The following DQX1 variants were observed in gnomAD, a reference collection of about 807,000 sequenced individuals.
The protein encoded by DQX1 is ATP-dependent RNA helicase homolog DQX1.
Under a neutral mutation model 81.3 loss-of-function variants are expected in DQX1, and 66 were observed. The observed-to-expected ratio is 0.81, with a 90% CI of 0.67 to 1.00. The LOEUF is 1.00. Ranked by LOEUF, DQX1 falls within the 50% of genes least tolerant of loss-of-function variation. The pLI is 0.00. For missense variants in DQX1, 798 were observed against 867.9 expected, an observed-to-expected ratio of 0.92 and a Z score of 1.01; for synonymous variants, 290 against 350.0, an observed-to-expected ratio of 0.83 and a Z score of 1.91.
chr2:74,525,185 T>G lies in DQX1; in HGVS notation c.255A>C (p.Ala85=). Residue 85 remains alanine (A), a synonymous_variant, in exon 3 of 12, where the codon GCA becomes GCC. Transcript: ENST00000404568. This position sits in a 1 kb window ranked among gnomAD's most constrained non-coding sequence, Gnocchi z 4.1. Reference sequence around the variant, plus strand: ...GGAACCCTCTGGCCAGCGCAAACTCTGCACACCACTGAGGGATCTGGGATA... The same window carrying G: ...GGAACCCTCTGGCCAGCGCAAACTCGGCACACCACTGAGGGATCTGGGATA... The part of the protein sequence containing the change: ...GKSTQIPQWC[A]EFALARGFQK... 6.3e-7 allele frequency: 1 copy of G among 1,584,182 alleles called. No homozygotes were observed.
chr2:74,524,961 A>C (rs762876361), intron 3 of DQX1, 48 bp downstream of exon 3: 3 of 1,562,622 alleles, frequency 1.9e-6, no homozygotes, highest in Non-Finnish European at 2.6e-6. Flanking sequence ...GTTTGTTTCT[A>C]CTGAATAAGG....
Position 74,524,006 on chromosome 2 carries a change from C to T in DQX1, c.733G>A (p.Val245Met). 1 of 1,614,188 alleles carries T rather than the reference C, an allele frequency of 6.2e-7. No homozygotes were observed. Among genetic ancestry groups the T allele is most frequent in the Non-Finnish European group, 8.5e-7 (1 of 1,180,020 alleles). Residue 245 changes from valine (V) to methionine (M), a missense_variant, in exon 4 of 12, where the codon GTG becomes ATG. By Grantham distance (21) the Val-to-Met change is conservative (BLOSUM62 1). Coordinates refer to ENST00000404568, the MANE Select transcript of DQX1 (RefSeq NM_133637.3). ...AGCACTGCTTGGCAGGCAGCTTCCACCCGATCAGGTGGGATGGTGTCCCAG... is the reference window on the plus strand; with the variant it reads ...AGCACTGCTTGGCAGGCAGCTTCCATCCGATCAGGTGGGATGGTGTCCCAG... ...IYWDTIPPDR[V>M]EAACQAVLEL...
At position 74,525,888 on chromosome 2, in the gene DQX1, G is replaced by C; in HGVS notation, c.-19-140C>G. ...TCCCAGCATTTCCTGCCAGGAAACAGTGCTAGGTATTTTGATAAAGGGCTA... is the reference window on the plus strand; with the variant it reads ...TCCCAGCATTTCCTGCCAGGAAACACTGCTAGGTATTTTGATAAAGGGCTA... On this transcript the variant is annotated intron_variant, in intron 1 of 11. Coordinates refer to ENST00000404568, the MANE Select transcript of DQX1 (RefSeq NM_133637.3). The surrounding 1 kb of genome is among the most constrained non-coding windows in gnomAD (Gnocchi z 4.1). The C allele has an allele frequency of 3.1e-6, 2 of 638,268 alleles. No individual in the cohort carries two copies. The highest frequency in any genetic ancestry group is 5.4e-6 in the Non-Finnish European group (2 of 371,798). The allele number at this position is 638,268 out of a possible 1,614,324, so 39.5% of individuals were successfully genotyped here.
intron 8 of DQX1, among the ~76,000 whole-genome samples, chr2:74,520,805 C>T (rs1675003513): frequency 6.6e-6 from 1 of 152,100 alleles, no homozygotes; most frequent in African/African-American, 2.4e-5. Context: ...TCTTCAGTAG[C>T]TGAGACTACA....
At position 74,519,763 on chromosome 2, in the gene DQX1, A is replaced by G. The variant is rs1395738967; in HGVS notation, c.1616-17T>C. 1.2e-6 allele frequency: 2 copies of G among 1,613,518 alleles called. No individual in the cohort carries two copies. Among genetic ancestry groups the G allele is most frequent in the African/African-American group, 2.7e-5 (2 of 74,910 alleles). ...CTGCTCCACCTAGGAGAGGAAAGGG[A>G]CCAGCTAAACTAAAGTCCTTGAGAC... On this transcript the variant is annotated splice_polypyrimidine_tract_variant and intron_variant, in intron 9 of 11. Coordinates refer to ENST00000404568, the MANE Select transcript of DQX1 (RefSeq NM_133637.3).
intron 3 of DQX1, 61 bp downstream of exon 3, chr2:74,524,948 T>C (rs1675131402): frequency 2.6e-6 from 4 of 1,539,228 alleles, no homozygotes; most frequent in Middle Eastern, 4.6e-4. Context: ...GCCAGAGGAA[T>C]GGGTTTGTTT....
chr2:74,519,832 G>C (rs1319042481), intron 9 of DQX1, 83 bp downstream of exon 9: 1 of 1,600,470 alleles, frequency 6.2e-7, no homozygotes. Flanking sequence ...TCCTCTTTCT[G>C]AGCATAGAGA....
chr2:74,522,810 G>A, intron 7 of DQX1, 39 bp from the exon 8 acceptor site: 1 of 1,612,684 alleles, frequency 6.2e-7, no homozygotes, highest in South Asian at 1.1e-5. Context: ...TGAAGTTTCA[G>A]AACTGGGTGG....
rs1383837518 is a variant in DQX1 at position 74,523,905 on chromosome 2, T to C, written c.816+18A>G. On this transcript the variant is annotated intron_variant, in intron 4 of 11. Coordinates refer to ENST00000404568, the MANE Select transcript of DQX1 (RefSeq NM_133637.3). ...CTCATTTTGCAGGCTGTTTTTTTTGTTTTGTTTTGTTTTTTACCTCCTCAC... is the reference window on the plus strand; with the variant it reads ...CTCATTTTGCAGGCTGTTTTTTTTGCTTTGTTTTGTTTTTTACCTCCTCAC... 1 of 1,535,222 alleles carries C rather than the reference T, an allele frequency of 6.5e-7. No individual in the cohort carries two copies.
intron 5 of DQX1, 22 bp downstream of exon 5, chr2:74,523,288 G>A (rs1185548810): frequency 1.2e-6 from 2 of 1,613,894 alleles, no homozygotes; most frequent in Non-Finnish European, 1.7e-6. Flanking sequence ...CTACCCCACC[G>A]CTATCTCTCT....
rs1366166556 is a variant in DQX1 at position 74,525,395 on chromosome 2, CCCCCTTGCCCAGGGAAAGG to C, written c.237+79_237+97del. ...CCTCATGACCCCACGCAGCCCAGTC[CCCCCTTGCCCAGGGAAAGG>C]CCACTTTCCCTTTGTCCTCCCTTTG... On this transcript the variant is annotated intron_variant, in intron 2 of 11. Coordinates refer to ENST00000404568, the MANE Select transcript of DQX1 (RefSeq NM_133637.3). This position sits in a 1 kb window ranked among gnomAD's most constrained non-coding sequence, Gnocchi z 4.1. 1.5e-6 allele frequency: 2 copies of C among 1,353,510 alleles called. No individual in the cohort carries two copies. Among genetic ancestry groups the C allele is most frequent in the African/African-American group, 2.9e-5 (2 of 68,904 alleles). The allele number at this position is 1,353,510 out of a possible 1,614,324, so 83.8% of individuals were successfully genotyped here.
Position 74,525,832 on chromosome 2 carries a change from C to T in DQX1, c.-19-84G>A, listed in dbSNP as rs1675166073. ...CTCAGCCCTGATCCTTAACCTCTAC[C>T]TTCAGTTGATCATGCTCTGGGGCCC... is the stretch of plus-strand genomic sequence containing the variant. On this transcript the variant is annotated intron_variant, in intron 1 of 11. Coordinates refer to ENST00000404568, the MANE Select transcript of DQX1 (RefSeq NM_133637.3). This position sits in a 1 kb window ranked among gnomAD's most constrained non-coding sequence, Gnocchi z 4.1. 2.1e-6 allele frequency: 2 copies of T among 958,992 alleles called. No homozygotes were observed. The highest frequency in any genetic ancestry group is 5.3e-5 in the East Asian group (2 of 37,948). The allele number at this position is 958,992 out of a possible 1,614,324, so 59.4% of individuals were successfully genotyped here. A position where few individuals can be genotyped will look rare whatever the true frequency, so the allele number is the denominator to read the frequency against.
intron 5 of DQX1, 27 bp from the exon 6 acceptor site, chr2:74,523,245 A>G (rs1239797789): frequency 6.2e-7 from 1 of 1,614,174 alleles, no homozygotes; most frequent in Non-Finnish European, 8.5e-7. Context: ...AACCAAGGCC[A>G]AGACAGATCA....
rs549148841 is a variant in DQX1 at position 74,525,443 on chromosome 2, T to G, written c.237+50A>C. On this transcript the variant is annotated intron_variant, in intron 2 of 11. Transcript: ENST00000404568. The surrounding 1 kb of genome is among the most constrained non-coding windows in gnomAD (Gnocchi z 4.1). ...CTTTCCCTTTGTCCTCCCTTTGTCC[T>G]CCCTTTGTCCACTCCCAGAATCTGC... is the stretch of plus-strand genomic sequence containing the variant. The G allele has an allele frequency of 2.0e-4, 299 of 1,525,540 alleles. No individual in the cohort carries two copies. Among genetic ancestry groups the G allele is most frequent in the Non-Finnish European group, 2.5e-4 (285 of 1,127,346 alleles). 94.5% of individuals were successfully genotyped at this position (1,525,540 alleles called of 1,614,324 possible). A position where few individuals can be genotyped will look rare whatever the true frequency, so the allele number is the denominator to read the frequency against.
chr2:74,524,017 G>T lies in DQX1; in HGVS notation c.722C>A (p.Pro241Gln). ...GCAGGCAGCTTCCACCCGATCAGGT[G>T]GGATGGTGTCCCAGTAGATGGGGGA... ...RPSPIYWDTI[P>Q]PDRVEAACQA... is the part of the protein sequence containing the mutation. Residue 241 changes from proline (P) to glutamine (Q), a missense_variant, in exon 4 of 12, where the codon CCA (proline) becomes CAA (glutamine). By Grantham distance (76) the Pro-to-Gln change is moderately conservative. Transcript: ENST00000404568. 1 of 1,614,208 alleles carries T rather than the reference G, an allele frequency of 6.2e-7. No homozygotes were observed. Among genetic ancestry groups the T allele is most frequent in the East Asian group, 2.2e-5 (1 of 44,892 alleles).
rs1314646877 is a variant in DQX1 at position 74,525,516 on chromosome 2, G to C, written c.214C>G (p.Pro72Ala). 1 of 1,552,226 alleles carries C rather than the reference G, an allele frequency of 6.4e-7. No individual in the cohort carries two copies. The highest frequency in any genetic ancestry group is 8.7e-7 in the Non-Finnish European group (1 of 1,147,158). Residue 72 changes from proline (P) to alanine (A), a missense_variant, in exon 2 of 12, where the codon CCT (proline) becomes GCT (alanine). Physicochemically the swap from Pro to Ala is conservative, Grantham distance 27 (BLOSUM62 -1). Transcript: ENST00000404568. This position sits in a 1 kb window ranked among gnomAD's most constrained non-coding sequence, Gnocchi z 4.1. The stretch of plus-strand genomic sequence containing the variant: ...ACCTGGGTGCTCTTGCCAGAACCAG[G>C]CTCCCCAGACACCAGCACCACTCCA... Reference protein sequence around the residue: ...PTGVVLVSGEPGSGKSTQIPQ... With the variant: ...PTGVVLVSGEAGSGKSTQIPQ...
chr2:74,522,992 A>G lies in DQX1; in HGVS notation c.1167T>C (p.Pro389=), dbSNP rs994488412. The G allele has an allele frequency of 6.2e-7, 1 of 1,614,226 alleles. No homozygotes were observed. The highest frequency in any genetic ancestry group is 8.5e-7 in the Non-Finnish European group (1 of 1,180,028). The change falls in exon 7 of 12, where the codon CCT becomes CCC. Residue 389 remains proline, a synonymous_variant. Transcript: ENST00000404568. ...GAGCTTCTAGTTCTAAGAAGGACTT[A>G]GGATACAGGCAGAGGCAGGATCCTG... ...FPPGSCLCLY[P]KSFLELEAPP...
intron 8 of DQX1, among the ~76,000 whole-genome samples, chr2:74,522,356 C>T (rs1170139010): frequency 6.6e-6 from 1 of 151,974 alleles, no homozygotes; most frequent in Admixed American, 6.6e-5. Flanking sequence ...TGAGTTTTAG[C>T]AATAACAGAT....
Position 74,523,970 on chromosome 2 carries a change from G to T in DQX1, c.769C>A (p.Arg257=). 1 of 1,608,592 alleles carries T rather than the reference G, an allele frequency of 6.2e-7. No individual in the cohort carries two copies. Among genetic ancestry groups the T allele is most frequent in the Non-Finnish European group, 8.5e-7 (1 of 1,175,498 alleles). The change falls in exon 4 of 12, where the codon CGG becomes AGG. Residue 257 remains arginine (R), a synonymous_variant. Transcript: ENST00000404568. ...AGCACATCTCCTGGAAGCTCCTTCC[G>T]ACACAATTCAAGCACTGCTTGGCAG... The part of the protein sequence containing the change: ...AACQAVLELC[R]KELPGDVLVF...
Sources: gnomAD v4.1 joint callset for allele counts (sites outside exome capture counted in the v4.1 genomes callset) on GRCh38, gnomAD v4.1.1 for gene constraint, Gnocchi (gnomAD v3.1) non-coding constraint, MANE v1.5 for transcripts, NCBI Gene and HGNC (gene_info 2026-07-23, HGNC 2026-07-21) for gene names.